Variants in DCDC2C observed in about 807,000 individuals in gnomAD.
DCDC2C encodes the protein doublecortin domain containing 2C.
A neutral mutation model predicts 45.0 loss-of-function variants in DCDC2C; 44 were observed. That is an observed-to-expected ratio of 0.98 (90% CI 0.77 to 1.26). The LOEUF (loss-of-function observed/expected upper bound fraction) is 1.26. Ranked by LOEUF, DCDC2C falls within the 50% of genes most tolerant of loss-of-function variation. The pLI is 0.00. For synonymous variants in DCDC2C, 187 were observed against 178.8 expected, an observed-to-expected ratio of 1.05 and a Z score of -0.37; for missense variants, 447 against 468.9, an observed-to-expected ratio of 0.95 and a Z score of 0.43.
intron 6 of DCDC2C, among the ~76,000 whole-genome samples, chr2:3,765,016 A>C (rs1339795850): frequency 6.6e-6 from 1 of 152,252 alleles, no homozygotes. Flanking sequence ...CTGAAGTATT[A>C]AATAGATATC....
chr2:3,775,019 C>A (rs1179923884), intron 8 of DCDC2C, among the ~76,000 whole-genome samples: 3 of 152,028 alleles, frequency 2.0e-5, no homozygotes, highest in Non-Finnish European at 2.9e-5. Context: ...CCTGCCTCAG[C>A]CTCCCAAAGT....
chr2:3,826,112 G>A (rs551441654), intron 10 of DCDC2C, among the ~76,000 whole-genome samples: 1 of 152,188 alleles, frequency 6.6e-6, no homozygotes. Context: ...ACCCAGCCAT[G>A]GATGAAAATA....
At chr2:3,746,876 C>T (rs184740012) in intron 4 of DCDC2C, among the ~76,000 whole-genome samples, 1 of 152,102 alleles carries the variant, frequency 6.6e-6, no homozygotes, top group African/African-American at 2.4e-5. Flanking sequence ...GCGGATCTGT[C>T]CTGGGTTCTA....
intron 6 of DCDC2C, among the ~76,000 whole-genome samples, chr2:3,759,945 T>C (rs1159140891): frequency 6.6e-6 from 1 of 152,232 alleles, no homozygotes; most frequent in Non-Finnish European, 1.5e-5. Context: ...GGCAAAGCTG[T>C]AGTGTTTTAA....
At chr2:3,779,062 T>C (rs760445686) in intron 9 of DCDC2C, among the ~76,000 whole-genome samples, 178 bp downstream of exon 9, 3 of 151,986 alleles carry the variant, frequency 2.0e-5, no homozygotes, top group African/African-American at 4.9e-5. Flanking sequence ...TCGGGTTTCC[T>C]GTGCCAGTCA....
chr2:3,767,076 C>T (rs1321866273), intron 6 of DCDC2C, among the ~76,000 whole-genome samples: 2 of 152,248 alleles, frequency 1.3e-5, no homozygotes, highest in Non-Finnish European at 2.9e-5. Flanking sequence ...TAAGGTAGGG[C>T]TGCGCCATGA....
intron 4 of DCDC2C, 34 bp downstream of exon 4, chr2:3,742,082 G>C (rs573680224): frequency 6.7e-7 from 1 of 1,491,230 alleles, no homozygotes; most frequent in South Asian, 1.4e-5. Flanking sequence ...ACAGCCAGGG[G>C]GCGGCAGCTT....
At chr2:3,708,770 A>C (rs375896149) in intron 2 of DCDC2C, among the ~76,000 whole-genome samples, 170 bp downstream of exon 2, 2 of 152,362 alleles carry the variant, frequency 1.3e-5, no homozygotes, top group South Asian at 2.1e-4. Context: ...TTGTCAAAGC[A>C]CTGAAGTAAC....
intron 10 of DCDC2C, among the ~76,000 whole-genome samples, chr2:3,820,975 C>T (rs1389046297): frequency 6.6e-6 from 1 of 152,140 alleles, no homozygotes; most frequent in Non-Finnish European, 1.5e-5. Context: ...TGTAAAGAGT[C>T]CACCAAACAG....
rs17018058 is a variant in DCDC2C at position 3,790,337 on chromosome 2, A to G, written c.1065+5237A>G. 4.2e-3 allele frequency among the ~76,000 whole-genome samples: 644 copies of G among 152,346 alleles called. 31 individuals carry two copies. In the East Asian group the frequency reaches 0.1, roughly 24 times the overall value. ...ATAAATAATATTTAAGTGATTTGACATGCTTAAGACATGCTAAGCTCAGAA... is the reference window on the plus strand; with the variant it reads ...ATAAATAATATTTAAGTGATTTGACGTGCTTAAGACATGCTAAGCTCAGAA... On this transcript the variant is annotated intron_variant, in intron 10 of 10. Coordinates refer to ENST00000399143, the MANE Select transcript of DCDC2C (RefSeq NM_001287444.2).
chr2:3,827,115 G>A (rs1340840940), intron 10 of DCDC2C, among the ~76,000 whole-genome samples: 2 of 152,176 alleles, frequency 1.3e-5, no homozygotes, highest in Non-Finnish European at 2.9e-5. Context: ...CCACACCCCA[G>A]CCCATCACCC....
rs115203254 is a variant in DCDC2C at position 3,716,490 on chromosome 2, G to C, written c.339+7890G>C. On this transcript the variant is annotated intron_variant, in intron 2 of 10. Transcript: ENST00000399143. ...TTTAGTAATATGGAGGTCGTGGGCAGAAAAGAATAGAAGAGAGATGGGAGA... is the reference window on the plus strand; with the variant it reads ...TTTAGTAATATGGAGGTCGTGGGCACAAAAGAATAGAAGAGAGATGGGAGA... 3.5e-3 allele frequency among the ~76,000 whole-genome samples: 535 copies of C among 152,298 alleles called. 2 individuals are homozygous for C. The highest frequency in any genetic ancestry group is 0.012 in the African/African-American group (509 of 41,556).
At chr2:3,839,921 G>A (rs370838739) in intron 10 of DCDC2C, among the ~76,000 whole-genome samples, 9 of 152,198 alleles carry the variant, frequency 5.9e-5, no homozygotes, top group African/African-American at 2.2e-4. Context: ...ACACTTATGG[G>A]CATATATCTA....
intron 10 of DCDC2C, among the ~76,000 whole-genome samples, chr2:3,826,185 G>GA (rs1671810623): frequency 6.6e-6 from 1 of 152,188 alleles, no homozygotes; most frequent in Non-Finnish European, 1.5e-5. Context: ...AAAATATGCA[G>GA]AGAACACTCA....
At chr2:3,719,591 G>T (rs1160871461) in intron 2 of DCDC2C, among the ~76,000 whole-genome samples, 1 of 152,164 alleles carries the variant, frequency 6.6e-6, no homozygotes, top group African/African-American at 2.4e-5. Flanking sequence ...GCCATGTCAG[G>T]CATCCCCCTG....
At chr2:3,739,519 G>A (rs971688430) in intron 3 of DCDC2C, among the ~76,000 whole-genome samples, 1 of 152,350 alleles carries the variant, frequency 6.6e-6, no homozygotes, top group Non-Finnish European at 1.5e-5. Context: ...ACGTCAAGAG[G>A]AACGCACCAA....
intron 6 of DCDC2C, among the ~76,000 whole-genome samples, chr2:3,759,832 G>C (rs1669829780): frequency 6.6e-6 from 1 of 152,246 alleles, no homozygotes; most frequent in Non-Finnish European, 1.5e-5. Flanking sequence ...CTGTGGAATA[G>C]AAGGATGGGG....
At position 3,719,629 on chromosome 2, in the gene DCDC2C, C is replaced by T. The variant is rs149985374; in HGVS notation, c.340-7374C>T. 1.6e-3 allele frequency among the ~76,000 whole-genome samples: 239 copies of T among 152,278 alleles called. 1 individual carries two copies. The highest frequency in any genetic ancestry group is 5.6e-3 in the African/African-American group (232 of 41,568). On this transcript the variant is annotated intron_variant, in intron 2 of 10. Coordinates refer to ENST00000399143, the MANE Select transcript of DCDC2C (RefSeq NM_001287444.2). ...TCTGGAGCCCATCCCACAGGGGGTT[C>T]GACGGGGCTTTGCCTGATGTCTTGG...
At chr2:3,739,203 CCA>C (rs1309768910) in intron 3 of DCDC2C, among the ~76,000 whole-genome samples, 1 of 152,132 alleles carries the variant, frequency 6.6e-6, no homozygotes, top group Non-Finnish European at 1.5e-5. Flanking sequence ...ATAAAATTCT[CCA>C]GTTATCCCAT....
Sources: allele counts gnomAD v4.1 joint callset (sites outside exome capture counted in the v4.1 genomes callset), GRCh38; gene constraint gnomAD v4.1.1; transcripts MANE v1.5; gene names NCBI Gene and HGNC (gene_info 2026-07-23, HGNC 2026-07-21).